The following IFT74 variants were observed in gnomAD, a reference collection of about 807,000 sequenced individuals.
IFT74 encodes intraflagellar transport protein 74 homolog.
In IFT74, 92 loss-of-function variants were observed where a neutral mutation model predicts 96.7. That is an observed-to-expected ratio of 0.95 (90% confidence interval 0.80 to 1.13). The LOEUF (loss-of-function observed/expected upper bound fraction) is 1.13, where lower values mean the gene tolerates loss of function less well. IFT74 is among the 50% of genes most tolerant of loss of function. The pLI is 0.00. For synonymous variants in IFT74, 223 were observed against 213.2 expected, an observed-to-expected ratio of 1.05 and a Z score of -0.40; for missense variants, 811 against 698.2, an observed-to-expected ratio of 1.16 and a Z score of -1.82.
intron 8 of IFT74, among the ~76,000 whole-genome samples, chr9:26,997,242 C>CCCTGGTAA (rs2131572008): frequency 6.6e-6 from 1 of 151,892 alleles, no homozygotes; most frequent in Admixed American, 6.6e-5. Context: ...TAATTTTTCC[C>CCCTGGTAA]CCTGGTAATG....
intron 8 of IFT74, chr9:26,995,778 G>C: frequency 6.2e-7 from 1 of 1,613,774 alleles, no homozygotes; most frequent in South Asian, 1.1e-5. Flanking sequence ...ATAAAAATGA[G>C]AAGTGAAGTC....
chr9:27,055,939 CTT>C (rs1820141376), intron 17 of IFT74, among the ~76,000 whole-genome samples, 167 bp downstream of exon 17: 6 of 151,902 alleles, frequency 3.9e-5, no homozygotes, highest in Admixed American at 3.3e-4. Context: ...TTTAGAGTGA[CTT>C]AAAGTTTTAA....
intron 8 of IFT74, chr9:26,997,665 A>G: frequency 6.7e-7 from 1 of 1,502,080 alleles, no homozygotes; most frequent in Non-Finnish European, 8.9e-7. Flanking sequence ...GATATGAGAG[A>G]TTTTTCTGTG....
intron 13 of IFT74, among the ~76,000 whole-genome samples, chr9:27,040,229 G>A (rs1485636280): frequency 6.6e-6 from 1 of 152,062 alleles, no homozygotes; most frequent in African/African-American, 2.4e-5. Flanking sequence ...TGACCAGAAT[G>A]GTAATAGGGA....
intron 2 of IFT74, among the ~76,000 whole-genome samples, chr9:26,962,831 C>A (rs1826423609): frequency 6.6e-6 from 1 of 150,680 alleles, no homozygotes; most frequent in Admixed American, 6.6e-5. Context: ...AATAAAACAC[C>A]ATAAAAAATT....
intron 7 of IFT74, among the ~76,000 whole-genome samples, chr9:26,989,890 A>G (rs1326499486): frequency 1.3e-5 from 2 of 152,316 alleles, no homozygotes; most frequent in East Asian, 1.9e-4. Context: ...GAATTATTTG[A>G]CAGATCACTG....
chr9:26,976,254 C>T (rs1423696946), intron 2 of IFT74, among the ~76,000 whole-genome samples: 4 of 152,068 alleles, frequency 2.6e-5, no homozygotes, highest in African/African-American at 9.7e-5. Context: ...AATGGGAATC[C>T]CCGACAAGCC....
chr9:27,045,874 G>A (rs1587409444), intron 14 of IFT74, among the ~76,000 whole-genome samples: 1 of 151,946 alleles, frequency 6.6e-6, no homozygotes, highest in Non-Finnish European at 1.5e-5. Flanking sequence ...AAGTCTTTTG[G>A]TAAAGGAGAA....
intron 8 of IFT74, among the ~76,000 whole-genome samples, chr9:27,003,145 G>A (rs1184391230): frequency 6.6e-6 from 1 of 151,462 alleles, no homozygotes. Flanking sequence ...TTTATATCTT[G>A]CAACTTTACT....
At chr9:26,978,953 A>G (rs546858254) in intron 3 of IFT74, among the ~76,000 whole-genome samples, 132 of 152,228 alleles carry the variant, frequency 8.7e-4, no homozygotes, top group South Asian at 3.9e-3. Flanking sequence ...AAACCAAACT[A>G]TGGTAAACTC....
chr9:26,963,702 A>T (rs998389007), intron 2 of IFT74, among the ~76,000 whole-genome samples: 1 of 152,122 alleles, frequency 6.6e-6, no homozygotes, highest in African/African-American at 2.4e-5. Context: ...CATTTCTCTG[A>T]TGGCCAGTGA....
At chr9:26,968,077 T>A (rs11999605) in intron 2 of IFT74, among the ~76,000 whole-genome samples, 12,642 of 150,990 alleles carry the variant, frequency 0.084, 868 homozygotes, top group African/African-American at 0.19. Flanking sequence ...TTTTTTTTTT[T>A]TTTTTTAATC....
chr9:26,999,350 A>G (rs936038094), intron 8 of IFT74, among the ~76,000 whole-genome samples: 13 of 152,186 alleles, frequency 8.5e-5, no homozygotes, highest in Non-Finnish European at 1.8e-4. Flanking sequence ...TACATTTTAA[A>G]CAAGATTTTA....
intron 12 of IFT74, among the ~76,000 whole-genome samples, chr9:27,025,443 CAAAAAAA>C (rs57335230): frequency 5.1e-5 from 4 of 77,722 alleles, no homozygotes; most frequent in African/African-American, 5.2e-5. Flanking sequence ...ACTCCATCTC[CAAAAAAA>C]AAAAAAAAAA....
At chr9:26,991,259 T>C (rs956970167) in intron 8 of IFT74, among the ~76,000 whole-genome samples, 4 of 152,214 alleles carry the variant, frequency 2.6e-5, no homozygotes, top group African/African-American at 7.2e-5. Context: ...AGTTTTGCTC[T>C]GTTGCCCTTG....
chr9:27,059,366 A>G (rs1334251399), intron 18 of IFT74, among the ~76,000 whole-genome samples: 1 of 152,204 alleles, frequency 6.6e-6, no homozygotes, highest in African/African-American at 2.4e-5. Context: ...TTTTTGCTTC[A>G]TGATGTCCTT....
upstream of IFT74, among the ~76,000 whole-genome samples, chr9:26,955,550 G>A (rs955282631): frequency 2.0e-5 from 3 of 152,060 alleles, no homozygotes; most frequent in African/African-American, 7.2e-5. Context: ...CTGCCAAAAG[G>A]ATGACAAATG....
intron 1 of IFT74, among the ~76,000 whole-genome samples, chr9:26,948,606 A>G (rs1235640149): frequency 6.6e-6 from 1 of 151,316 alleles, no homozygotes; most frequent in African/African-American, 2.4e-5. Context: ...AGCTGGGACT[A>G]CAGGAGCGCG....
rs1319449790 is a variant in IFT74 at position 27,064,323 on chromosome 9, G to A, written c.*1587G>A. Among the ~76,000 whole-genome samples, 1 of 151,968 alleles carries A rather than the reference G, an allele frequency of 6.6e-6. No homozygotes were observed. Among genetic ancestry groups the A allele is most frequent in the Non-Finnish European group, 1.5e-5 (1 of 67,934 alleles). On this transcript the variant is annotated 3_prime_UTR_variant, in exon 20 of 20. Coordinates refer to ENST00000380062, the MANE Select transcript of IFT74 (RefSeq NM_025103.4). ...AGCTGTTTTATGCTGTGATTGTATG[G>A]GGTTTTCTATTGGAAATTGGTAGCA...
Sources: gnomAD v4.1 joint callset for allele counts (sites outside exome capture counted in the v4.1 genomes callset) on GRCh38, gnomAD v4.1.1 for gene constraint, MANE v1.5 for transcripts, NCBI Gene and HGNC (gene_info 2026-07-23, HGNC 2026-07-21) for gene names.